The following SLC43A3 variants were observed in gnomAD, a reference collection of about 807,000 sequenced individuals.
SLC43A3 encodes equilibrative nucleobase transporter 1.
Under a neutral mutation model 53.3 loss-of-function variants are expected in SLC43A3, and 33 were observed. The observed-to-expected ratio is 0.62, with a 90% CI of 0.47 to 0.83. SLC43A3 has a LOEUF of 0.83. Ranked by LOEUF, SLC43A3 falls within the 40% of genes least tolerant of loss-of-function variation. The pLI, the probability that SLC43A3 is intolerant of heterozygous loss-of-function variation, is 0.00. For missense variants in SLC43A3, 530 were observed against 610.0 expected (o/e 0.87, Z 1.38); for synonymous variants, 236 against 246.2 (o/e 0.96, Z 0.39).
rs1174323563 is a variant in SLC43A3 at position 57,426,187 on chromosome 11, T to C, written c.-15A>G. 3.1e-6 allele frequency: 5 copies of C among 1,612,780 alleles called. No homozygotes were observed. In the African/African-American group the frequency reaches 5.3e-5, roughly 17 times the overall value. ...TGGCCCGCCATGAGCAGAAGTGGAG[T>C]GGATCTTCAAATCCCACTTTGTCCT... On this transcript the variant is annotated 5_prime_UTR_variant, in exon 3 of 14. Transcript: ENST00000395124.
At chr11:57,413,339 G>A (rs1198080462) in intron 11 of SLC43A3, among the ~76,000 whole-genome samples, 1 of 152,200 alleles carries the variant, frequency 6.6e-6, no homozygotes. Context: ...GTAAAAGGAT[G>A]TATTTGAAAT....
Position 57,416,643 on chromosome 11 carries a change from C to CTTTGTGGTG in SLC43A3, c.690_698dup (p.Thr232_Lys233insAsnThrThr). The CTTTGTGGTG allele has an allele frequency of 6.2e-7, 1 of 1,614,130 alleles. No homozygotes were observed. Among genetic ancestry groups the CTTTGTGGTG allele is most frequent in the Non-Finnish European group, 8.5e-7 (1 of 1,180,018 alleles). ...CATGCTCAGCTGTTTCCTTCTCTTC[C>CTTTGTGGTG]TTTGTGGTGCCATTCCCAGGGCACA... On this transcript the variant is annotated inframe_insertion, in exon 9 of 14. Transcript: ENST00000395124.
In SLC43A3 at chr11:57,420,962, C is replaced by T. The variant is rs368616284; in HGVS notation, c.531+10G>A. 63 of 1,559,948 alleles carry T rather than the reference C, an allele frequency of 4.0e-5. 1 individual carries two copies. The Middle Eastern group carries it at 6.7e-4, about 17-fold the overall frequency. ...AGTGCCCAGTGAATGTAGGCTGTTG[C>T]TATATTTACCTTAATAATAAGGAAG... On this transcript the variant is annotated intron_variant, in intron 7 of 13. Coordinates refer to ENST00000395124, the MANE Select transcript of SLC43A3 (RefSeq NM_199329.3).
At chr11:57,424,116 G>A (rs1024878919) in intron 4 of SLC43A3, 88 bp from the exon 5 acceptor site, 28 of 1,338,340 alleles carry the variant, frequency 2.1e-5, no homozygotes, top group African/African-American at 2.9e-5. Flanking sequence ...CAGCCCACAA[G>A]TGTAGGACTT....
At chr11:57,415,688 G>C (rs1565097697) in intron 9 of SLC43A3, among the ~76,000 whole-genome samples, 1 of 152,084 alleles carries the variant, frequency 6.6e-6, no homozygotes, top group East Asian at 1.9e-4. Context: ...ATCTAAAATA[G>C]GTCCTACACC....
At chr11:57,420,423 G>A (rs1323585547) in intron 7 of SLC43A3, among the ~76,000 whole-genome samples, 2 of 152,164 alleles carry the variant, frequency 1.3e-5, no homozygotes, top group African/African-American at 4.8e-5. Flanking sequence ...CATCCCCTGG[G>A]CTAAGCGGGT....
intron 11 of SLC43A3, among the ~76,000 whole-genome samples, chr11:57,412,706 G>A (rs997418787): frequency 1.2e-4 from 19 of 152,018 alleles, no homozygotes; most frequent in Non-Finnish European, 2.8e-4. Context: ...TACTCGGGAT[G>A]CTGAGGCAGG....
At chr11:57,415,654 T>C (rs1009982991) in intron 9 of SLC43A3, among the ~76,000 whole-genome samples, 9 of 152,160 alleles carry the variant, frequency 5.9e-5, no homozygotes, top group Admixed American at 1.3e-4. Flanking sequence ...AGACCGGCCA[T>C]GAGTTTAGAT....
At chr11:57,409,016 C>T (rs1467592575) in intron 13 of SLC43A3, among the ~76,000 whole-genome samples, 159 bp downstream of exon 13, 1 of 152,172 alleles carries the variant, frequency 6.6e-6, no homozygotes, top group Admixed American at 6.5e-5. Flanking sequence ...GTCTGTTTCC[C>T]CACACACACA....
chr11:57,421,180 C>A (rs955124354), intron 6 of SLC43A3, 116 bp from the exon 7 acceptor site: 1 of 1,212,670 alleles, frequency 8.2e-7, no homozygotes, highest in Non-Finnish European at 1.2e-6. Flanking sequence ...ACCGCTAGAG[C>A]TCCCACCTCA....
chr11:57,417,976 G>C, intron 7 of SLC43A3, 89 bp from the exon 8 acceptor site: 1 of 1,216,962 alleles, frequency 8.2e-7, no homozygotes, highest in Admixed American at 2.1e-5. Flanking sequence ...CAAACTAAGG[G>C]TCCATCAGCA....
intron 12 of SLC43A3, among the ~76,000 whole-genome samples, 194 bp downstream of exon 12, chr11:57,409,741 T>C (rs865833125): frequency 6.6e-6 from 1 of 152,094 alleles, no homozygotes; most frequent in Non-Finnish European, 1.5e-5. Context: ...GCACCGCAGA[T>C]GTAAAGGCTC....
At position 57,421,377 on chromosome 11, in the gene SLC43A3, G is replaced by A. The variant is rs764128529; in HGVS notation, c.362-4C>T. 2.5e-6 allele frequency: 4 copies of A among 1,612,910 alleles called. No homozygotes were observed. The highest frequency in any genetic ancestry group is 3.4e-6 in the Non-Finnish European group (4 of 1,179,306). The stretch of plus-strand genomic sequence containing the variant: ...AGGAAGAGCAGCACGGCTGAGCCTG[G>A]ACCATCAAAGTCAGAGGTAGGGTGG... On this transcript the variant is annotated splice_region_variant and splice_polypyrimidine_tract_variant and intron_variant, in intron 5 of 13. Coordinates refer to ENST00000395124, the MANE Select transcript of SLC43A3 (RefSeq NM_199329.3).
chr11:57,425,914 C>T (rs1943185116), intron 3 of SLC43A3, 75 bp downstream of exon 3: 1 of 1,468,856 alleles, frequency 6.8e-7, no homozygotes, highest in Admixed American at 1.8e-5. Context: ...GGGCAGGGGG[C>T]AGAGTCCTTC....
chr11:57,414,237 A>G (rs534422814), intron 11 of SLC43A3, among the ~76,000 whole-genome samples: 1 of 152,350 alleles, frequency 6.6e-6, no homozygotes, highest in East Asian at 1.9e-4. Flanking sequence ...AAGACCAGGC[A>G]TGGTGCTTCA....
chr11:57,425,431 T>C (rs1943169440), intron 4 of SLC43A3, 110 bp downstream of exon 4: 2 of 1,152,704 alleles, frequency 1.7e-6, no homozygotes, highest in Non-Finnish European at 2.5e-6. Context: ...GCAGGTGTGG[T>C]GCCTGGCAGG....
At chr11:57,425,409 T>C (rs1052252354) in intron 4 of SLC43A3, 132 bp downstream of exon 4, 1 of 888,784 alleles carries the variant, frequency 1.1e-6, no homozygotes, top group Non-Finnish European at 1.8e-6. Flanking sequence ...TAACAGCTGC[T>C]GGGAGCGAGC....
intron 4 of SLC43A3, 69 bp downstream of exon 4, chr11:57,425,472 T>G: frequency 6.5e-7 from 1 of 1,550,278 alleles, no homozygotes; most frequent in Non-Finnish European, 8.8e-7. Flanking sequence ...TGGATTTCAC[T>G]CCAAGCTAGG....
Position 57,414,658 on chromosome 11 carries a change from C to CA in SLC43A3, c.1016dup (p.Met339IlefsTer5). ...TCTGGTACTTCTGTTTAAGCCGGTC[C>CA]ATGAGCAGGCCATTCCAGGGGGCAC... On this transcript the variant is annotated frameshift_variant, in exon 11 of 14. Transcript: ENST00000395124. LOFTEE classifies it high-confidence loss of function. The CA allele has an allele frequency of 6.2e-7, 1 of 1,614,052 alleles. No homozygotes were observed. The highest frequency in any genetic ancestry group is 8.5e-7 in the Non-Finnish European group (1 of 1,179,988).
Sources: allele counts gnomAD v4.1 joint callset (sites outside exome capture counted in the v4.1 genomes callset), GRCh38; gene constraint gnomAD v4.1.1; transcripts MANE v1.5; gene names NCBI Gene and HGNC (gene_info 2026-07-23, HGNC 2026-07-21).